PARN: variants seen among roughly 807,000 people sequenced by gnomAD.
PARN encodes the protein poly(A)-specific ribonuclease.
Under a neutral mutation model 102.8 loss-of-function variants are expected in PARN, and 71 were observed. That is an observed-to-expected ratio of 0.69 (90% CI 0.57 to 0.84). The LOEUF is 0.84. Among genes scored for constraint, PARN ranks in the 40% least tolerant of loss-of-function variants. The pLI is 0.00. For synonymous variants in PARN, 261 were observed against 252.9 expected, an observed-to-expected ratio of 1.03 and a Z score of -0.30; for missense variants, 782 against 760.9, an observed-to-expected ratio of 1.03 and a Z score of -0.33.
intron 21 of PARN, among the ~76,000 whole-genome samples, chr16:14,485,845 G>A (rs1963649620): frequency 6.6e-6 from 1 of 152,026 alleles, no homozygotes; most frequent in African/African-American, 2.4e-5. Context: ...GCGCCACGAC[G>A]CCTGGCTAAT....
At chr16:14,488,854 G>A (rs1238398575) in intron 21 of PARN, among the ~76,000 whole-genome samples, 3 of 148,980 alleles carry the variant, frequency 2.0e-5, no homozygotes, top group African/African-American at 7.4e-5. Context: ...AATAATAAGA[G>A]ATCAATACAA....
At chr16:14,537,708 C>T (rs778145579) in intron 21 of PARN, among the ~76,000 whole-genome samples, 4 of 151,946 alleles carry the variant, frequency 2.6e-5, no homozygotes, top group Non-Finnish European at 4.4e-5. Flanking sequence ...TGTTCTGATT[C>T]GTATGTGGGA....
chr16:14,552,872 T>C (rs926457981), intron 20 of PARN, among the ~76,000 whole-genome samples: 1 of 151,764 alleles, frequency 6.6e-6, no homozygotes, highest in Non-Finnish European at 1.5e-5. Flanking sequence ...GGCTTGAACC[T>C]GGGAGGCGGA....
chr16:14,573,158 G>C (rs1442988531), intron 18 of PARN, among the ~76,000 whole-genome samples: 1 of 152,062 alleles, frequency 6.6e-6, no homozygotes. Context: ...TAGGATTATA[G>C]GCATGAGCCA....
chr16:14,593,961 C>T (rs1293332922), intron 12 of PARN, among the ~76,000 whole-genome samples: 1 of 151,688 alleles, frequency 6.6e-6, no homozygotes, highest in Non-Finnish European at 1.5e-5. Flanking sequence ...TGCACCACTG[C>T]ACTCCAGCCT....
At chr16:14,553,997 C>G (rs902396414) in intron 20 of PARN, 68 bp downstream of exon 20, 21 of 948,544 alleles carry the variant, frequency 2.2e-5, no homozygotes, top group Non-Finnish European at 3.4e-5. Context: ...AACTATCTTT[C>G]TACTTCTGAC....
chr16:14,614,154 G>T lies in PARN; in HGVS notation c.389-3345C>A, dbSNP rs146060225. Among the ~76,000 whole-genome samples the T allele has an allele frequency of 4.3e-3, 648 of 152,150 alleles. 6 individuals carry two copies. Among genetic ancestry groups the T allele is most frequent in the Middle Eastern group, 0.014 (4 of 294 alleles). On this transcript the variant is annotated intron_variant, in intron 6 of 23. Transcript: ENST00000437198. ...CACCTATGGTTCCAGCTACACGGAA[G>T]GCTGAGGTGGGAGAATCACTTGGGC...
chr16:14,524,545 A>C (rs191612445), intron 21 of PARN, among the ~76,000 whole-genome samples: 3 of 152,332 alleles, frequency 2.0e-5, no homozygotes, highest in Admixed American at 6.5e-5. Flanking sequence ...GGGAAAGACA[A>C]GGAGGGGAAA....
chr16:14,521,988 A>G (rs1252071481), intron 21 of PARN, among the ~76,000 whole-genome samples: 2 of 152,222 alleles, frequency 1.3e-5, no homozygotes, highest in Non-Finnish European at 2.9e-5. Context: ...TGTGCAGCCT[A>G]GAAGCAACAG....
intron 18 of PARN, among the ~76,000 whole-genome samples, chr16:14,576,925 A>T (rs907860823): frequency 3.3e-5 from 5 of 152,264 alleles, no homozygotes; most frequent in African/African-American, 9.6e-5. Context: ...TACTGCTTAA[A>T]CAACAGTGGT....
chr16:14,508,857 C>T (rs1965041838), intron 21 of PARN, among the ~76,000 whole-genome samples: 1 of 150,810 alleles, frequency 6.6e-6, no homozygotes, highest in South Asian at 2.1e-4. Flanking sequence ...GCCAGGAGTT[C>T]AAGACTAGCC....
intron 11 of PARN, among the ~76,000 whole-genome samples, chr16:14,600,365 T>A (rs940051528): frequency 1.3e-5 from 2 of 152,334 alleles, no homozygotes; most frequent in East Asian, 3.9e-4. Flanking sequence ...TCAAATCAAG[T>A]ATTTTCATAA....
intron 18 of PARN, among the ~76,000 whole-genome samples, chr16:14,577,001 T>C (rs1178857050): frequency 2.6e-5 from 4 of 152,362 alleles, no homozygotes; most frequent in Admixed American, 2.0e-4. Flanking sequence ...TGCTACTAAA[T>C]GCTAATTTAG....
intron 6 of PARN, among the ~76,000 whole-genome samples, chr16:14,612,899 G>A (rs1214461021): frequency 4.7e-5 from 7 of 148,606 alleles, no homozygotes; most frequent in East Asian, 2.1e-4. Flanking sequence ...GCCCTACCAC[G>A]GACATGTTAA....
chr16:14,545,282 T>C (rs923422940), intron 21 of PARN, among the ~76,000 whole-genome samples: 2 of 152,226 alleles, frequency 1.3e-5, no homozygotes, highest in Admixed American at 1.3e-4. Flanking sequence ...ATAGACCTTA[T>C]GCTTGACTAT....
intron 12 of PARN, among the ~76,000 whole-genome samples, chr16:14,597,298 ATAGT>A (rs2151774487): frequency 6.6e-6 from 1 of 152,368 alleles, no homozygotes; most frequent in African/African-American, 2.4e-5. Flanking sequence ...GTTAAACTAT[ATAGT>A]TAATTTAACT....
chr16:14,561,184 C>T (rs1020009958), intron 18 of PARN, among the ~76,000 whole-genome samples: 2 of 149,900 alleles, frequency 1.3e-5, no homozygotes, highest in East Asian at 2.0e-4. Flanking sequence ...AAGAAAAGGG[C>T]GGGATGACAC....
intron 5 of PARN, among the ~76,000 whole-genome samples, chr16:14,625,591 G>A (rs1972597476): frequency 6.6e-6 from 1 of 152,214 alleles, no homozygotes; most frequent in African/African-American, 2.4e-5. Context: ...CAGGGTAAAG[G>A]TAAAATGTCA....
rs1285947142 is a variant in PARN at position 14,507,300 on chromosome 16, T to C, written c.1481-24473A>G. ...GAGATGGTGCCACTGCACTCCAGCATGGGCAACAAGAGGGAAATTCGGTCT... is the reference window on the plus strand; with the variant it reads ...GAGATGGTGCCACTGCACTCCAGCACGGGCAACAAGAGGGAAATTCGGTCT... On this transcript the variant is annotated intron_variant, in intron 21 of 23. Coordinates refer to ENST00000437198, the MANE Select transcript of PARN (RefSeq NM_002582.4). 2.0e-5 allele frequency among the ~76,000 whole-genome samples: 3 copies of C among 150,948 alleles called. No homozygotes were observed. The South Asian group carries it at 6.3e-4, about 32-fold the overall frequency.
Sources: allele counts gnomAD v4.1 joint callset (sites outside exome capture counted in the v4.1 genomes callset), GRCh38; gene constraint gnomAD v4.1.1; transcripts MANE v1.5; gene names NCBI Gene and HGNC (gene_info 2026-07-23, HGNC 2026-07-21).